PTPRD: variants seen among roughly 807,000 people sequenced by gnomAD.
PTPRD encodes the protein receptor-type tyrosine-protein phosphatase delta.
PTPRD carries 34 observed loss-of-function variants against 214.5 expected under a neutral mutation model. That is an observed-to-expected ratio of 0.16 (90% CI 0.12 to 0.21). The LOEUF is 0.21. Ranked by LOEUF, PTPRD falls within the 10% of genes least tolerant of loss-of-function variation. The probability of loss-of-function intolerance (pLI) is 1.00; values close to 1 mark genes in which losing one functional copy is unlikely to be tolerated. For missense variants in PTPRD, 2,545 were observed against 2,398.7 expected, an observed-to-expected ratio of 1.06 and a Z score of -1.27; for synonymous variants, 1,128 against 845.7, an observed-to-expected ratio of 1.33 and a Z score of -5.79.
chr9:10,523,601 G>GTATATATATATATATATCTATATA (rs2053149755), intron 2 of PTPRD, among the ~76,000 whole-genome samples: 1 of 64,336 alleles, frequency 1.6e-5, no homozygotes, highest in South Asian at 7.5e-4. Context: ...ATATTTATCT[G>GTATATATATATATATATCTATATA]TATATATATA....
At chr9:9,925,337 T>G (rs2083895016) in intron 5 of PTPRD, among the ~76,000 whole-genome samples, 1 of 152,050 alleles carries the variant, frequency 6.6e-6, no homozygotes, top group Non-Finnish European at 1.5e-5. Context: ...ATGTGTATAT[T>G]TAATATAGTC....
At chr9:9,333,248 T>C (rs2043008808) in intron 9 of PTPRD, among the ~76,000 whole-genome samples, 1 of 151,480 alleles carries the variant, frequency 6.6e-6, no homozygotes, top group Admixed American at 6.6e-5. Flanking sequence ...TGACATAGAA[T>C]AAGGGCTTGA....
In PTPRD at chr9:8,929,809, GTA is replaced by G. The variant is rs757820164; in HGVS notation, c.-104+88886_-104+88887del. On this transcript the variant is annotated intron_variant, in intron 11 of 45. Transcript: ENST00000381196. ...TGTATATATGTGTGTGTATATATGT[GTA>G]TATATATGTGTATATATATGTGTAT... Among the ~76,000 whole-genome samples the G allele has an allele frequency of 2.0e-3, 199 of 100,164 alleles. 26 individuals carry two copies. Among genetic ancestry groups the G allele is most frequent in the Non-Finnish European group, 2.9e-3 (137 of 46,754 alleles). 65.7% of individuals were successfully genotyped at this position (100,164 alleles called of 152,430 possible). A position where few individuals can be genotyped will look rare whatever the true frequency, so the allele number is the denominator to read the frequency against.
At chr9:9,973,447 G>C (rs1482386187) in intron 4 of PTPRD, among the ~76,000 whole-genome samples, 1 of 151,964 alleles carries the variant, frequency 6.6e-6, no homozygotes, top group South Asian at 2.1e-4. Flanking sequence ...CTTGCACCCT[G>C]GGTGACAGAG....
chr9:9,251,354 T>A (rs2099975414), intron 9 of PTPRD, among the ~76,000 whole-genome samples: 1 of 152,124 alleles, frequency 6.6e-6, no homozygotes, highest in Non-Finnish European at 1.5e-5. Context: ...CCCTGCCTAC[T>A]TTTCTAGCAA....
chr9:9,421,879 T>C (rs1313994582), intron 8 of PTPRD, among the ~76,000 whole-genome samples: 1 of 151,872 alleles, frequency 6.6e-6, no homozygotes, highest in Admixed American at 6.6e-5. Context: ...AGATAGTATA[T>C]TGATGGGAAA....
At chr9:9,609,467 C>T (rs549850150) in intron 7 of PTPRD, among the ~76,000 whole-genome samples, 30 of 152,148 alleles carry the variant, frequency 2.0e-4, no homozygotes, top group African/African-American at 6.7e-4. Flanking sequence ...TTTTTGTTGT[C>T]GTTGTTTGTT....
At chr9:10,364,531 C>A (rs1337653155) in intron 2 of PTPRD, among the ~76,000 whole-genome samples, 1 of 152,164 alleles carries the variant, frequency 6.6e-6, no homozygotes, top group East Asian at 1.9e-4. Context: ...GTACTCCAGG[C>A]TGCTTCTCTT....
chr9:10,561,965 G>A (rs962991486), intron 2 of PTPRD, among the ~76,000 whole-genome samples: 25 of 152,030 alleles, frequency 1.6e-4, no homozygotes, highest in Non-Finnish European at 3.1e-4. Context: ...TTGTATTACT[G>A]CTCTTATTTA....
At chr9:10,328,819 A>T (rs2096695794) in intron 3 of PTPRD, among the ~76,000 whole-genome samples, 1 of 151,774 alleles carries the variant, frequency 6.6e-6, no homozygotes, top group Non-Finnish European at 1.5e-5. Context: ...TTTTGGTTTT[A>T]TGGCATCTTG....
chr9:8,975,400 T>C (rs1314804276), intron 11 of PTPRD, among the ~76,000 whole-genome samples: 3 of 152,124 alleles, frequency 2.0e-5, no homozygotes, highest in Non-Finnish European at 4.4e-5. Flanking sequence ...GCTGGTAATA[T>C]ATTATTCCAT....
At chr9:8,510,011 T>G (rs888143434) in intron 21 of PTPRD, among the ~76,000 whole-genome samples, 65 of 152,266 alleles carry the variant, frequency 4.3e-4, no homozygotes, top group African/African-American at 1.5e-3. Context: ...GGCTTAGGCA[T>G]GGTAACTCAC....
rs1332794704 is a variant in PTPRD, at chr9:8,704,882, C to T, written c.64+28898G>A. ...AGGTTGCAGTGAGCCAAGATCATGC[C>T]ATTGCACTCTAGCCCGGGCGATAGA... On this transcript the variant is annotated intron_variant, in intron 12 of 45. Transcript: ENST00000381196. Among the ~76,000 whole-genome samples, 6 of 151,874 alleles carry T rather than the reference C, an allele frequency of 4.0e-5. No individual in the cohort carries two copies. The East Asian group carries it at 1.2e-3, about 29-fold the overall frequency.
Position 10,591,614 on chromosome 9 carries a change from T to G in PTPRD, c.-600+20784A>C, listed in dbSNP as rs1362244845. ...GGAAACAGAAAACGAGGTCACACCT[T>G]GAGGGAAGGACTATTTACTGTCCCA... On this transcript the variant is annotated intron_variant, in intron 2 of 45. Coordinates refer to ENST00000381196, the MANE Select transcript of PTPRD (RefSeq NM_002839.4). 2.0e-5 allele frequency among the ~76,000 whole-genome samples: 3 copies of G among 152,020 alleles called. No homozygotes were observed. The East Asian group carries it at 5.8e-4, about 30-fold the overall frequency.
At chr9:10,002,762 C>A (rs1339003743) in intron 4 of PTPRD, among the ~76,000 whole-genome samples, 1 of 149,312 alleles carries the variant, frequency 6.7e-6, no homozygotes, top group Non-Finnish European at 1.5e-5. Context: ...ACTTCACTTT[C>A]AATAATAGAT....
chr9:10,274,203 T>C (rs550870416), intron 3 of PTPRD, among the ~76,000 whole-genome samples: 2 of 152,260 alleles, frequency 1.3e-5, no homozygotes, highest in South Asian at 4.1e-4. Context: ...ATATGAAAAC[T>C]GGATCATTTC....
rs181416122 is a variant in PTPRD at position 8,536,800 on chromosome 9, C to G, written c.353-8021G>C. 3.3e-5 allele frequency among the ~76,000 whole-genome samples: 5 copies of G among 152,040 alleles called. No homozygotes were observed. In the East Asian group the frequency reaches 9.7e-4, roughly 30 times the overall value. On this transcript the variant is annotated intron_variant, in intron 14 of 45. Coordinates refer to ENST00000381196, the MANE Select transcript of PTPRD (RefSeq NM_002839.4). ...GACTTTGGGCCACAAGGTCCCTCTT[C>G]GGTTTATGGGACTAATAATGACTAC...
intron 12 of PTPRD, among the ~76,000 whole-genome samples, chr9:8,689,388 T>A (rs1166820198): frequency 6.6e-6 from 1 of 152,164 alleles, no homozygotes; most frequent in Non-Finnish European, 1.5e-5. Flanking sequence ...GTTTTTACAC[T>A]GCTGATGAAG....
chr9:9,207,671 A>G (rs2099945716), intron 9 of PTPRD, among the ~76,000 whole-genome samples: 1 of 152,170 alleles, frequency 6.6e-6, no homozygotes, highest in Non-Finnish European at 1.5e-5. Context: ...TTAAATGTGC[A>G]TTTACCCTTT....
Sources: gnomAD v4.1 joint callset for allele counts (sites outside exome capture counted in the v4.1 genomes callset) on GRCh38, gnomAD v4.1.1 for gene constraint, MANE v1.5 for transcripts, NCBI Gene and HGNC (gene_info 2026-07-23, HGNC 2026-07-21) for gene names.